The following TBL1XR1 variants were observed in gnomAD, a reference collection of about 807,000 sequenced individuals.
TBL1XR1 encodes the protein F-box-like/WD repeat-containing protein TBL1XR1.
A neutral mutation model predicts 66.9 loss-of-function variants in TBL1XR1; 5 were observed. The ratio of observed to expected loss-of-function variants is 0.07; its 90% CI spans 0.04 to 0.16. The LOEUF (loss-of-function observed/expected upper bound fraction) is 0.16, where lower values mean the gene tolerates loss of function less well. Ranked by LOEUF, TBL1XR1 falls within the 10% of genes least tolerant of loss-of-function variation. The pLI, the probability that TBL1XR1 is intolerant of heterozygous loss-of-function variation, is 1.00. For missense variants in TBL1XR1, 238 were observed against 623.2 expected, an observed-to-expected ratio of 0.38 and a Z score of 6.58; for synonymous variants, 210 against 206.0, an observed-to-expected ratio of 1.02 and a Z score of -0.17.
At chr3:177,145,312 A>G (rs1177103040) in intron 1 of TBL1XR1, among the ~76,000 whole-genome samples, 1 of 152,230 alleles carries the variant, frequency 6.6e-6, no homozygotes, top group East Asian at 1.9e-4. Flanking sequence ...TGGCTGCTTT[A>G]GCACTACAAT....
intron 10 of TBL1XR1, among the ~76,000 whole-genome samples, chr3:177,041,946 CCTTCTCCTCTAGAGTCT>C (rs931035052): frequency 4.6e-4 from 70 of 152,278 alleles, no homozygotes; most frequent in African/African-American, 1.6e-3. Flanking sequence ...TCAGGTCCTG[CCTTCTCCTCTAGAGTCT>C]TAGACTTCCT....
In TBL1XR1 at chr3:177,021,488, C is replaced by G. The variant is rs1462351947; in HGVS notation, c.*4010G>C. On this transcript the variant is annotated 3_prime_UTR_variant, in exon 16 of 16. Coordinates refer to ENST00000457928, the MANE Select transcript of TBL1XR1 (RefSeq NM_024665.7). Reference sequence around the variant, plus strand: ...ACTACTGATATAAGACATCAAATTTCTAAATCAGTGTATTAAAAAAGTGAA... The same window carrying G: ...ACTACTGATATAAGACATCAAATTTGTAAATCAGTGTATTAAAAAAGTGAA... 2 of 152,510 alleles carry G rather than the reference C, an allele frequency of 1.3e-5. No individual in the cohort carries two copies. The highest frequency in any genetic ancestry group is 2.9e-5 in the Non-Finnish European group (2 of 67,972). The allele number at this position is 152,510 out of a possible 1,614,324, so 9.4% of individuals were successfully genotyped here.
chr3:177,172,633 A>AAGAGAGAGAGAGAGAGAGAGAGAGAGAG (rs56803746), intron 1 of TBL1XR1, among the ~76,000 whole-genome samples: 3 of 117,550 alleles, frequency 2.6e-5, no homozygotes, highest in Non-Finnish European at 5.1e-5. Context: ...AGAAAGAGAG[A>AAGAGAGAGAGAGAGAGAGAGAGAGAGAG]AGAGAGAGAG....
intron 1 of TBL1XR1, among the ~76,000 whole-genome samples, chr3:177,189,468 C>T (rs892554476): frequency 4.0e-5 from 6 of 151,850 alleles, no homozygotes; most frequent in Admixed American, 1.3e-4. Flanking sequence ...GCCTAGCCAA[C>T]ATGGTGAAAC....
intron 4 of TBL1XR1, among the ~76,000 whole-genome samples, 155 bp downstream of exon 4, chr3:177,053,618 C>T (rs551537733): frequency 1.6e-4 from 24 of 152,146 alleles, no homozygotes; most frequent in Admixed American, 1.4e-3. Flanking sequence ...AACACCTTGC[C>T]GGTGCAACCT....
chr3:177,090,978 C>T (rs189455305), intron 2 of TBL1XR1, among the ~76,000 whole-genome samples: 1 of 151,438 alleles, frequency 6.6e-6, no homozygotes, highest in East Asian at 1.9e-4. Context: ...GACTGAGTGA[C>T]ACCCTGCTGA....
chr3:177,135,338 C>CGT (rs1728833852), intron 1 of TBL1XR1, among the ~76,000 whole-genome samples: 1 of 22,478 alleles, frequency 4.4e-5, no homozygotes, highest in Non-Finnish European at 8.0e-5. Flanking sequence ...TGTGTGTATA[C>CGT]ATATATATAT....
intron 1 of TBL1XR1, among the ~76,000 whole-genome samples, chr3:177,117,251 G>C (rs1414866969): frequency 2.0e-5 from 3 of 152,116 alleles, no homozygotes; most frequent in African/African-American, 4.8e-5. Context: ...TATTATTCCT[G>C]TTCCCTGTCT....
At chr3:177,196,732 G>C (rs1358726734) in intron 1 of TBL1XR1, among the ~76,000 whole-genome samples, 1 of 98,380 alleles carries the variant, frequency 1.0e-5, no homozygotes, top group African/African-American at 3.4e-5. Context: ...TTTCCTGAAA[G>C]CCTCCCCCCC....
At chr3:177,196,965 C>T (rs890538044) in intron 1 of TBL1XR1, among the ~76,000 whole-genome samples, 156 bp downstream of exon 1, 1 of 151,766 alleles carries the variant, frequency 6.6e-6, no homozygotes, top group Non-Finnish European at 1.5e-5. Flanking sequence ...TCCCTTCCCC[C>T]ACGCAAGCCC....
intron 2 of TBL1XR1, among the ~76,000 whole-genome samples, chr3:177,090,634 A>G (rs115270187): frequency 6.0e-4 from 91 of 152,206 alleles, no homozygotes; most frequent in Non-Finnish European, 1.2e-3. Flanking sequence ...CATCCTGGAC[A>G]ACATGGTCTC....
intron 1 of TBL1XR1, among the ~76,000 whole-genome samples, chr3:177,112,095 ATATATATATATATTT>A (rs1725678742): frequency 2.1e-5 from 1 of 48,100 alleles, no homozygotes; most frequent in African/African-American, 1.4e-4. Flanking sequence ...ATATATATAT[ATATATATATATATTT>A]TTTTTTTTTT....
rs1553804160 is a variant in TBL1XR1, at chr3:177,023,099, C to T, written c.*2399G>A. The T allele has an allele frequency of 6.6e-6, 1 of 152,006 alleles. No individual in the cohort carries two copies. Among genetic ancestry groups the T allele is most frequent in the African/African-American group, 2.4e-5 (1 of 41,314 alleles). The allele number at this position is 152,006 out of a possible 1,614,324, so 9.4% of individuals were successfully genotyped here. ...TTTTGGCAGCTATATTGCAGAATTT[C>T]TTGACTATCTTTTAATCAGCTGGGA... On this transcript the variant is annotated 3_prime_UTR_variant, in exon 16 of 16. Coordinates refer to ENST00000457928, the MANE Select transcript of TBL1XR1 (RefSeq NM_024665.7).
intron 13 of TBL1XR1, among the ~76,000 whole-genome samples, 184 bp downstream of exon 13, chr3:177,034,014 G>A (rs1714398329): frequency 6.7e-6 from 1 of 149,358 alleles, no homozygotes; most frequent in Admixed American, 6.7e-5. Flanking sequence ...CCAGTGCACA[G>A]AAATCAGCAC....
intron 1 of TBL1XR1, among the ~76,000 whole-genome samples, chr3:177,194,338 GT>G (rs1736553066): frequency 2.0e-5 from 3 of 152,204 alleles, no homozygotes; most frequent in South Asian, 2.1e-4. Flanking sequence ...AATGTTATTT[GT>G]GAAATGAGTC....
At chr3:177,146,846 G>A (rs542130220) in intron 1 of TBL1XR1, among the ~76,000 whole-genome samples, 3 of 152,128 alleles carry the variant, frequency 2.0e-5, no homozygotes, top group East Asian at 3.9e-4. Context: ...TGTTTCAAGC[G>A]AAAATTAAAG....
Position 177,098,456 on chromosome 3 carries a change from A to C in TBL1XR1, c.-46+10T>G. On this transcript the variant is annotated intron_variant, in intron 2 of 15. Coordinates refer to ENST00000457928, the MANE Select transcript of TBL1XR1 (RefSeq NM_024665.7). ...AAGAAACACTGACATTGGGAGTTGG[A>C]GAGTCTTACCATTGGCAGTGCATTG... is the stretch of plus-strand genomic sequence containing the variant. 2.0e-6 allele frequency: 2 copies of C among 984,332 alleles called. No homozygotes were observed. Among genetic ancestry groups the C allele is most frequent in the Non-Finnish European group, 2.4e-6 (2 of 828,562 alleles). The allele number at this position is 984,332 out of a possible 1,614,324, so 61.0% of individuals were successfully genotyped here.
intron 1 of TBL1XR1, among the ~76,000 whole-genome samples, chr3:177,148,512 G>A (rs554570771): frequency 2.6e-5 from 4 of 151,908 alleles, no homozygotes; most frequent in African/African-American, 7.3e-5. Context: ...TCAGGAGTTC[G>A]AGACCAGCCT....
At chr3:177,115,651 C>A (rs992527812) in intron 1 of TBL1XR1, among the ~76,000 whole-genome samples, 2 of 152,112 alleles carry the variant, frequency 1.3e-5, no homozygotes, top group Non-Finnish European at 2.9e-5. Flanking sequence ...GGTCTACAGC[C>A]CAAATTGTTT....
Sources: gnomAD v4.1 joint callset for allele counts (sites outside exome capture counted in the v4.1 genomes callset) on GRCh38, gnomAD v4.1.1 for gene constraint, MANE v1.5 for transcripts, NCBI Gene and HGNC (gene_info 2026-07-23, HGNC 2026-07-21) for gene names.